The following CCDC102B variants were observed in gnomAD, a reference collection of about 807,000 sequenced individuals.
The protein encoded by CCDC102B is coiled-coil domain containing 102B, also known as coiled-coil domain-containing protein 102B.
A neutral mutation model predicts 57.4 loss-of-function variants in CCDC102B; 75 were observed. The observed-to-expected ratio is 1.31, with a 90% CI of 1.08 to 1.58. The LOEUF is 1.58. Ranked by LOEUF, CCDC102B falls within the 40% of genes most tolerant of loss-of-function variation. The pLI is 0.00. For synonymous variants in CCDC102B, 206 were observed against 201.9 expected, an observed-to-expected ratio of 1.02 and a Z score of -0.17; for missense variants, 636 against 582.6, an observed-to-expected ratio of 1.09 and a Z score of -0.94.
intron 5 of CCDC102B, among the ~76,000 whole-genome samples, chr18:68,895,261 G>T (rs1434442313): frequency 6.6e-6 from 1 of 151,674 alleles, no homozygotes; most frequent in Non-Finnish European, 1.5e-5. Flanking sequence ...GGTAAATGAG[G>T]TCTAGTGCCA....
intron 1 of CCDC102B, among the ~76,000 whole-genome samples, chr18:68,834,205 C>T (rs1432151834): frequency 1.3e-5 from 2 of 151,844 alleles, no homozygotes; most frequent in Non-Finnish European, 2.9e-5. Context: ...TCTCAATGTA[C>T]CAGAATCCAA....
chr18:68,876,260 T>C (rs771978390), intron 5 of CCDC102B, among the ~76,000 whole-genome samples: 1 of 152,168 alleles, frequency 6.6e-6, no homozygotes, highest in Non-Finnish European at 1.5e-5. Flanking sequence ...GGTAACTCAA[T>C]GGTGTGGGAT....
intron 6 of CCDC102B, among the ~76,000 whole-genome samples, chr18:68,912,177 A>AAGCT (rs2040899175): frequency 6.6e-6 from 1 of 151,896 alleles, no homozygotes; most frequent in Non-Finnish European, 1.5e-5. Flanking sequence ...GTTTTCTACA[A>AAGCT]AGTAAGGTCT....
At chr18:69,007,405 A>T (rs1345478563) in intron 6 of CCDC102B, among the ~76,000 whole-genome samples, 1 of 152,196 alleles carries the variant, frequency 6.6e-6, no homozygotes, top group Non-Finnish European at 1.5e-5. Flanking sequence ...TCTTCCTTGC[A>T]TATTTTTAAG....
rs1599587036 is a variant in CCDC102B at position 68,860,617 on chromosome 18, C to T, written c.937-14052C>T. Among the ~76,000 whole-genome samples the T allele has an allele frequency of 1.8e-4, 19 of 104,550 alleles. No homozygotes were observed. In the South Asian group the frequency reaches 5.9e-3, roughly 33 times the overall value. 68.6% of individuals were successfully genotyped at this position (104,550 alleles called of 152,430 possible). A position where few individuals can be genotyped will look rare whatever the true frequency, so the allele number is the denominator to read the frequency against. ...ACTCCTCAGGGAGAGCCTTCCACTG[C>T]TATTCCCTCTGCCTGGAGTGGTCTT... On this transcript the variant is annotated intron_variant, in intron 4 of 7. Transcript: ENST00000360242.
chr18:68,979,803 C>G (rs1004150303), intron 6 of CCDC102B, among the ~76,000 whole-genome samples: 2 of 151,916 alleles, frequency 1.3e-5, no homozygotes, highest in African/African-American at 4.8e-5. Flanking sequence ...CCATTCTGCT[C>G]TCCTCCTCTG....
intron 6 of CCDC102B, among the ~76,000 whole-genome samples, chr18:68,971,512 T>G (rs2050299756): frequency 1.3e-5 from 2 of 152,142 alleles, no homozygotes; most frequent in South Asian, 4.1e-4. Context: ...ATAGATCCCT[T>G]TTCTCTGGAA....
chr18:69,010,098 A>ATTTTTTTTTTTTTTT (rs71717825), intron 6 of CCDC102B, among the ~76,000 whole-genome samples: 1 of 54,946 alleles, frequency 1.8e-5, no homozygotes, highest in Non-Finnish European at 3.5e-5. Flanking sequence ...TGCCCGGCTA[A>ATTTTTTTTTTTTTTT]TTTTTTTTTT....
intron 6 of CCDC102B, among the ~76,000 whole-genome samples, chr18:68,946,016 G>A (rs2049527897): frequency 1.3e-5 from 2 of 151,706 alleles, no homozygotes; most frequent in African/African-American, 4.8e-5. Context: ...TGGCTTAGTG[G>A]TTTAGTTGTT....
upstream of CCDC102B, among the ~76,000 whole-genome samples, chr18:68,796,850 T>A: frequency 6.7e-6 from 1 of 149,900 alleles, no homozygotes; most frequent in Non-Finnish European, 1.5e-5. Flanking sequence ...TGCATGTGTG[T>A]GTGTGTGTGT....
intron 5 of CCDC102B, among the ~76,000 whole-genome samples, chr18:68,886,807 G>A (rs1301973071): frequency 2.0e-5 from 3 of 151,772 alleles, no homozygotes; most frequent in Non-Finnish European, 4.4e-5. Context: ...GTACCCCAAT[G>A]CTGGTGTTTA....
At chr18:68,734,529 A>G (rs2033040269) in intron 2 of CCDC102B, among the ~76,000 whole-genome samples, 1 of 152,176 alleles carries the variant, frequency 6.6e-6, no homozygotes, top group South Asian at 2.1e-4. Flanking sequence ...AACCACAAAT[A>G]CCAAAGATTT....
chr18:68,836,578 A>G (rs758497112), intron 1 of CCDC102B, among the ~76,000 whole-genome samples, 171 bp from the exon 2 acceptor site: 5 of 148,232 alleles, frequency 3.4e-5, no homozygotes, highest in Non-Finnish European at 5.9e-5. Flanking sequence ...CAGTGAGCCG[A>G]GATCATGCTA....
chr18:68,718,757 T>C (rs1265058361), intron 2 of CCDC102B, among the ~76,000 whole-genome samples: 2 of 152,242 alleles, frequency 1.3e-5, no homozygotes, highest in Non-Finnish European at 2.9e-5. Context: ...CTAGAGAATC[T>C]GACCCAGTGG....
At chr18:68,999,905 G>A (rs1250022057) in intron 6 of CCDC102B, among the ~76,000 whole-genome samples, 2 of 152,110 alleles carry the variant, frequency 1.3e-5, no homozygotes, top group Non-Finnish European at 2.9e-5. Context: ...ACTCACATCT[G>A]TTTTTGAATG....
intron 7 of CCDC102B, among the ~76,000 whole-genome samples, chr18:69,031,095 G>C (rs1353995791): frequency 6.6e-6 from 1 of 152,208 alleles, no homozygotes; most frequent in Non-Finnish European, 1.5e-5. Context: ...CATTAACAAA[G>C]AAGAGGTTGC....
chr18:69,002,911 T>C (rs1357854461), intron 6 of CCDC102B, among the ~76,000 whole-genome samples: 1 of 152,132 alleles, frequency 6.6e-6, no homozygotes. Flanking sequence ...TTTTCCTCAA[T>C]ACATAACGCT....
At chr18:69,031,874 A>T (rs78302273) in intron 7 of CCDC102B, among the ~76,000 whole-genome samples, 1 of 152,160 alleles carries the variant, frequency 6.6e-6, no homozygotes, top group East Asian at 1.9e-4. Flanking sequence ...AAAATCAAGT[A>T]GGTTCATTCT....
chr18:68,721,176 A>G (rs1044352613), intron 2 of CCDC102B: 1 of 152,270 alleles, frequency 6.6e-6, no homozygotes, highest in African/African-American at 2.4e-5. Flanking sequence ...ATTACTAGGC[A>G]TCTACTTAAA....
Sources: allele counts gnomAD v4.1 joint callset (sites outside exome capture counted in the v4.1 genomes callset), GRCh38; gene constraint gnomAD v4.1.1; transcripts MANE v1.5; gene names NCBI Gene and HGNC (gene_info 2026-07-23, HGNC 2026-07-21).